ADAM18: variants seen among roughly 807,000 people sequenced by gnomAD.
ADAM18 encodes the protein disintegrin and metalloproteinase domain-containing protein 18.
Under a neutral mutation model 94.4 loss-of-function variants are expected in ADAM18, and 117 were observed. The ratio of observed to expected loss-of-function variants is 1.24; its 90% CI spans 1.07 to 1.45. ADAM18 has a LOEUF of 1.45. ADAM18 is among the 40% of genes most tolerant of loss of function. The pLI is 0.00. For synonymous variants in ADAM18, 327 were observed against 291.6 expected, an observed-to-expected ratio of 1.12 and a Z score of -1.24; for missense variants, 936 against 880.0, an observed-to-expected ratio of 1.06 and a Z score of -0.81.
intron 18 of ADAM18, among the ~76,000 whole-genome samples, chr8:39,722,642 C>A (rs1297596493): frequency 6.6e-6 from 1 of 151,516 alleles, no homozygotes; most frequent in Admixed American, 6.6e-5. Context: ...TATATCCATG[C>A]AGCAAAACTG....
intron 12 of ADAM18, among the ~76,000 whole-genome samples, chr8:39,653,077 A>T (rs1220526472): frequency 6.6e-6 from 1 of 152,124 alleles, no homozygotes; most frequent in Non-Finnish European, 1.5e-5. Flanking sequence ...ATGAGATAGG[A>T]GGCATAAGTT....
At chr8:39,662,112 A>G (rs1820857272) in intron 12 of ADAM18, among the ~76,000 whole-genome samples, 1 of 152,058 alleles carries the variant, frequency 6.6e-6, no homozygotes, top group Non-Finnish European at 1.5e-5. Context: ...ACTGGTAATC[A>G]GAGAAGTAAT....
Position 39,657,455 on chromosome 8 carries a change from G to T in ADAM18, c.1231-6340G>T, listed in dbSNP as rs779144760. On this transcript the variant is annotated intron_variant, in intron 12 of 19. Coordinates refer to ENST00000265707, the MANE Select transcript of ADAM18 (RefSeq NM_014237.3). ...GCCTCCCGAGTAGCCAGGATTACAGGTGCCCACCACCATGCCTGGCTAGTT... is the reference window on the plus strand; with the variant it reads ...GCCTCCCGAGTAGCCAGGATTACAGTTGCCCACCACCATGCCTGGCTAGTT... 5.4e-4 allele frequency among the ~76,000 whole-genome samples: 82 copies of T among 152,046 alleles called. 1 individual carries two copies. The highest frequency in any genetic ancestry group is 3.7e-3 in the Admixed American group (57 of 15,240).
chr8:39,620,357 C>CAAAAAAAAAAAAAAAAAAAAAAA (rs61555393), intron 6 of ADAM18, among the ~76,000 whole-genome samples: 52 of 90,528 alleles, frequency 5.7e-4, no homozygotes, highest in Admixed American at 1.1e-3. Context: ...GCAACAAAAG[C>CAAAAAAAAAAAAAAAAAAAAAAA]AAAAAAAAAA....
chr8:39,721,098 T>C (rs1822731744), intron 18 of ADAM18, among the ~76,000 whole-genome samples: 1 of 151,468 alleles, frequency 6.6e-6, no homozygotes, highest in Non-Finnish European at 1.5e-5. Flanking sequence ...TCAGTAATAA[T>C]GAACAAAGTC....
chr8:39,612,578 C>A (rs867265214), intron 6 of ADAM18, among the ~76,000 whole-genome samples: 1 of 151,974 alleles, frequency 6.6e-6, no homozygotes, highest in African/African-American at 2.4e-5. Context: ...AAGCCAGGAG[C>A]GCTCATACCC....
At chr8:39,673,367 G>A (rs1420385723) in intron 14 of ADAM18, among the ~76,000 whole-genome samples, 1 of 152,022 alleles carries the variant, frequency 6.6e-6, no homozygotes, top group African/African-American at 2.4e-5. Context: ...TGTGCACAAC[G>A]TGCAGGTTTG....
chr8:39,649,902 G>A (rs551439777), intron 12 of ADAM18, among the ~76,000 whole-genome samples: 33 of 152,216 alleles, frequency 2.2e-4, no homozygotes, highest in Non-Finnish European at 3.7e-4. Flanking sequence ...GCTGCCGCCC[G>A]CCTCTTCTTG....
At chr8:39,715,196 T>A (rs1265429402) in intron 18 of ADAM18, among the ~76,000 whole-genome samples, 1 of 152,024 alleles carries the variant, frequency 6.6e-6, no homozygotes, top group African/African-American at 2.4e-5. Flanking sequence ...CCTAAAATAC[T>A]TGGAGATTAA....
At chr8:39,611,900 T>A (rs1819284601) in intron 6 of ADAM18, among the ~76,000 whole-genome samples, 1 of 152,068 alleles carries the variant, frequency 6.6e-6, no homozygotes, top group Non-Finnish European at 1.5e-5. Context: ...GCAAACATTT[T>A]TAACAGACAC....
At chr8:39,691,748 A>T (rs528915921) in intron 16 of ADAM18, among the ~76,000 whole-genome samples, 1 of 152,018 alleles carries the variant, frequency 6.6e-6, no homozygotes, top group South Asian at 2.1e-4. Flanking sequence ...AATATCATAT[A>T]TTCTTACTCA....
rs536954637 is a variant in ADAM18 at position 39,677,683 on chromosome 8, G to A, written c.1631+147G>A. The A allele has an allele frequency of 4.0e-5, 24 of 604,476 alleles. 1 individual carries two copies. The South Asian group carries it at 6.2e-4, about 16-fold the overall frequency. 37.4% of individuals were successfully genotyped at this position (604,476 alleles called of 1,614,324 possible). A position where few individuals can be genotyped will look rare whatever the true frequency, so the allele number is the denominator to read the frequency against. ...CATATATTTTTTCTATGAAATTCAGGATTTTCTATTATTTTCCCTTGATAT... is the reference window on the plus strand; with the variant it reads ...CATATATTTTTTCTATGAAATTCAGAATTTTCTATTATTTTCCCTTGATAT... On this transcript the variant is annotated intron_variant, in intron 15 of 19. Transcript: ENST00000265707.
At chr8:39,658,455 G>A (rs1820744789) in intron 12 of ADAM18, among the ~76,000 whole-genome samples, 1 of 152,056 alleles carries the variant, frequency 6.6e-6, no homozygotes, top group African/African-American at 2.4e-5. Flanking sequence ...CCCTTTACTG[G>A]CTTTAAAGAT....
At position 39,621,309 on chromosome 8, in the gene ADAM18, TCACACACACACACACACA is replaced by T. The variant is rs55818122; in HGVS notation, c.523-8033_523-8016del. On this transcript the variant is annotated intron_variant, in intron 6 of 19. Coordinates refer to ENST00000265707, the MANE Select transcript of ADAM18 (RefSeq NM_014237.3). Reference sequence around the variant, plus strand: ...TGACATGAACACATGCATGACAAAATCACACACACACACACACACACACACACACACACACACACACAC... The same window carrying T: ...TGACATGAACACATGCATGACAAAATCACACACACACACACACACACACAC... 9.3e-5 allele frequency among the ~76,000 whole-genome samples: 12 copies of T among 128,906 alleles called. No homozygotes were observed. In the South Asian group the frequency reaches 1.4e-3, roughly 15 times the overall value. The allele number at this position is 128,906 out of a possible 152,430, so 84.6% of individuals were successfully genotyped here. A position where few individuals can be genotyped will look rare whatever the true frequency, so the allele number is the denominator to read the frequency against.
chr8:39,606,774 G>C (rs374391827), intron 3 of ADAM18, among the ~76,000 whole-genome samples: 2 of 152,048 alleles, frequency 1.3e-5, no homozygotes, highest in African/African-American at 2.4e-5. Context: ...GGCTGAGTCC[G>C]AACAGAGAGT....
In ADAM18 at chr8:39,706,869, G is replaced by T. The variant is rs774247682; in HGVS notation, c.1982G>T (p.Gly661Val). 5 of 1,608,366 alleles carry T rather than the reference G, an allele frequency of 3.1e-6. No homozygotes were observed. Among genetic ancestry groups the T allele is most frequent in the African/African-American group, 1.3e-5 (1 of 74,816 alleles). ...PDCKFQFGSPGGSIDDGNFQK... is the reference protein window; with the variant it reads ...PDCKFQFGSPVGSIDDGNFQK... The stretch of plus-strand genomic sequence containing the variant: ...TGTAAATTCCAGTTTGGTTCCCCAG[G>T]GGGTAGTATTGATGATGGAAATTTT... Residue 661 changes from glycine to valine, a missense_variant, in exon 18 of 20, where the codon GGG becomes GTG. Physicochemically the swap from Gly to Val is moderately radical, Grantham distance 109 (BLOSUM62 -3). Coordinates refer to ENST00000265707, the MANE Select transcript of ADAM18 (RefSeq NM_014237.3).
intron 6 of ADAM18, among the ~76,000 whole-genome samples, chr8:39,612,294 T>C (rs1819302256): frequency 6.6e-6 from 1 of 152,084 alleles, no homozygotes; most frequent in African/African-American, 2.4e-5. Flanking sequence ...GACCCTGTGC[T>C]GAATGGGGAG....
At chr8:39,648,245 G>T in intron 11 of ADAM18, 99 bp from the exon 12 acceptor site, 1 of 816,520 alleles carries the variant, frequency 1.2e-6, no homozygotes, top group Non-Finnish European at 1.8e-6. Context: ...AAATTTTGGG[G>T]TGGCCATCTT....
At chr8:39,603,183 T>C (rs1818959939) in intron 2 of ADAM18, among the ~76,000 whole-genome samples, 1 of 152,236 alleles carries the variant, frequency 6.6e-6, no homozygotes, top group Admixed American at 6.5e-5. Flanking sequence ...GTTGAAGGTC[T>C]ATTTCTGGGC....
Sources: allele counts gnomAD v4.1 joint callset (sites outside exome capture counted in the v4.1 genomes callset), GRCh38; gene constraint gnomAD v4.1.1; transcripts MANE v1.5; gene names NCBI Gene and HGNC (gene_info 2026-07-23, HGNC 2026-07-21).